Variants in PCDHA2 observed in about 807,000 individuals in gnomAD.
PCDHA2 encodes the protein protocadherin alpha-2.
PCDHA2 carries 58 observed loss-of-function variants against 66.0 expected under a neutral mutation model. The observed-to-expected ratio is 0.88, with a 90% CI of 0.71 to 1.09. The LOEUF (loss-of-function observed/expected upper bound fraction) is 1.09. Among genes scored for constraint, PCDHA2 ranks in the 50% least tolerant of loss-of-function variants. The pLI, the probability that PCDHA2 is intolerant of heterozygous loss-of-function variation, is 0.00. For missense variants in PCDHA2, 1,267 were observed against 1,242.3 expected (o/e 1.02, Z -0.30); for synonymous variants, 634 against 554.0 (o/e 1.14, Z -2.03).
intron 1 of PCDHA2, among the ~76,000 whole-genome samples, chr5:140,924,240 G>T (rs1554201838): frequency 2.6e-5 from 4 of 152,186 alleles, no homozygotes; most frequent in Non-Finnish European, 5.9e-5. Flanking sequence ...GGGCTGTTTT[G>T]CATCCTGGTG....
rs70988781 is a variant in PCDHA2 at position 140,941,319 on chromosome 5, CTT to C, written c.2389-37616_2389-37615del. Among the ~76,000 whole-genome samples, 109 of 104,374 alleles carry C rather than the reference CTT, an allele frequency of 1.0e-3. 2 individuals are homozygous for C. Among genetic ancestry groups the C allele is most frequent in the East Asian group, 2.8e-3 (11 of 3,932 alleles). The allele number at this position is 104,374 out of a possible 152,430, so 68.5% of individuals were successfully genotyped here. A position where few individuals can be genotyped will look rare whatever the true frequency, so the allele number is the denominator to read the frequency against. ...TTCTTTCTTTCTTTTTCTTCTTTCT[CTT>C]TTTTTTTTTTTTTCAGATGGAGTCT... On this transcript the variant is annotated intron_variant, in intron 1 of 3. Coordinates refer to ENST00000526136, the MANE Select transcript of PCDHA2 (RefSeq NM_018905.3).
At chr5:140,870,248 G>T in intron 1 of PCDHA2, 1 of 1,614,190 alleles carries the variant, frequency 6.2e-7, no homozygotes, top group South Asian at 1.1e-5. Context: ...GGTGTCAACG[G>T]ACAGGTGACC....
chr5:140,994,052 C>T (rs2097593082), intron 3 of PCDHA2, among the ~76,000 whole-genome samples: 1 of 152,134 alleles, frequency 6.6e-6, no homozygotes, highest in African/African-American at 2.4e-5. Context: ...CAGTCCTGCC[C>T]TTATAAATCT....
intron 1 of PCDHA2, among the ~76,000 whole-genome samples, chr5:140,937,867 G>A (rs1009502911): frequency 7.9e-5 from 12 of 151,142 alleles, no homozygotes; most frequent in African/African-American, 1.2e-4. Flanking sequence ...AGCCGAGATC[G>A]CGCCACTGCA....
At chr5:140,966,851 C>T (rs782524148) in intron 1 of PCDHA2, 15 of 1,573,232 alleles carry the variant, frequency 9.5e-6, no homozygotes, top group Middle Eastern at 1.7e-4. Context: ...ACTGCCTCTC[C>T]TGCTGCTGTT....
At chr5:140,942,950 T>G (rs1461424409) in intron 1 of PCDHA2, among the ~76,000 whole-genome samples, 1 of 151,716 alleles carries the variant, frequency 6.6e-6, no homozygotes, top group Non-Finnish European at 1.5e-5. Context: ...AGTGTAGACG[T>G]TCTGTTATCA....
At position 140,849,549 on chromosome 5, in the gene PCDHA2, A is replaced by G. The variant is rs2150440230; in HGVS notation, c.2388+52197A>G. ...AAATGACAATGCTCCACAGTTGACT[A>G]TCAAAACGCTCTCGGTTCCTGTAAA... On this transcript the variant is annotated intron_variant, in intron 1 of 3. Transcript: ENST00000526136. 5 of 1,598,378 alleles carry G rather than the reference A, an allele frequency of 3.1e-6. 1 individual carries two copies. The South Asian group carries it at 3.3e-5, about 11-fold the overall frequency.
At chr5:140,883,225 C>T in intron 1 of PCDHA2, 1 of 1,613,914 alleles carries the variant, frequency 6.2e-7, no homozygotes, top group East Asian at 2.2e-5. Context: ...ATGAAATATC[C>T]GTGGAGGCAG....
intron 1 of PCDHA2, chr5:140,824,296 G>T: frequency 4.5e-6 from 4 of 897,790 alleles, no homozygotes; most frequent in Non-Finnish European, 5.3e-6. Context: ...AGGCTTTTCT[G>T]CTGGGGTAAT....
At chr5:140,869,617 C>T (rs782525218) in intron 1 of PCDHA2, 3 of 1,613,828 alleles carry the variant, frequency 1.9e-6, no homozygotes, top group Non-Finnish European at 2.5e-6. Context: ...GACCTACAGG[C>T]TAAGTAAAAA....
intron 1 of PCDHA2, chr5:140,828,380 G>A: frequency 6.2e-7 from 1 of 1,603,638 alleles, no homozygotes; most frequent in South Asian, 1.1e-5. Flanking sequence ...GGAGCTGTGC[G>A]GGCGGAGCGC....
At chr5:140,802,353 A>G (rs1489467507) in intron 1 of PCDHA2, 2 of 1,614,122 alleles carry the variant, frequency 1.2e-6, no homozygotes, top group African/African-American at 1.3e-5. Flanking sequence ...TGGACAGGTC[A>G]CCTGCTCGCT....
At chr5:140,915,059 C>T (rs1554196724) in intron 1 of PCDHA2, among the ~76,000 whole-genome samples, 1 of 151,706 alleles carries the variant, frequency 6.6e-6, no homozygotes, top group Non-Finnish European at 1.5e-5. Flanking sequence ...GATTCTCCTG[C>T]CTTAGCCTAC....
chr5:140,798,493 C>T (rs1012247063), intron 1 of PCDHA2, among the ~76,000 whole-genome samples: 1 of 152,142 alleles, frequency 6.6e-6, no homozygotes, highest in Non-Finnish European at 1.5e-5. Flanking sequence ...GGAGACTACC[C>T]AGTCTTTATG....
At chr5:140,952,351 AAAAG>A (rs1316352142) in intron 1 of PCDHA2, among the ~76,000 whole-genome samples, 25 of 120,612 alleles carry the variant, frequency 2.1e-4, no homozygotes, top group Non-Finnish European at 3.5e-4. Context: ...AAAAAAAAAA[AAAAG>A]AAAGAAAGAA....
chr5:140,829,622 C>T, intron 1 of PCDHA2: 1 of 1,612,190 alleles, frequency 6.2e-7, no homozygotes, highest in Admixed American at 1.7e-5. Context: ...CATTTCGGTG[C>T]ACGCGGAGAG....
intron 1 of PCDHA2, among the ~76,000 whole-genome samples, chr5:140,881,751 A>C (rs974973794): frequency 2.0e-5 from 3 of 152,206 alleles, no homozygotes; most frequent in African/African-American, 7.2e-5. Context: ...GGACAGTACC[A>C]CAAAAACCTA....
chr5:140,875,407 A>G (rs2055457272), intron 1 of PCDHA2: 2 of 1,497,672 alleles, frequency 1.3e-6, no homozygotes, highest in Non-Finnish European at 1.8e-6. Flanking sequence ...GACTGCTCAT[A>G]AAATACCTCA....
intron 1 of PCDHA2, chr5:140,822,409 A>T: frequency 6.2e-7 from 1 of 1,614,100 alleles, no homozygotes; most frequent in Non-Finnish European, 8.5e-7. Flanking sequence ...TTTATTAGTG[A>T]TTGCAACTGA....
Sources: gnomAD v4.1 joint callset for allele counts (sites outside exome capture counted in the v4.1 genomes callset) on GRCh38, gnomAD v4.1.1 for gene constraint, MANE v1.5 for transcripts, NCBI Gene and HGNC (gene_info 2026-07-23, HGNC 2026-07-21) for gene names.